The following C1orf21 variants were observed in gnomAD, a reference collection of about 807,000 sequenced individuals.
The protein encoded by C1orf21 is chromosome 1 open reading frame 21.
A neutral mutation model predicts 18.7 loss-of-function variants in C1orf21; 3 were observed. The ratio of observed to expected loss-of-function variants is 0.16; its 90% CI spans 0.07 to 0.42. The LOEUF is 0.42. Among genes scored for constraint, C1orf21 ranks in the 10% least tolerant of loss-of-function variants. C1orf21 has a pLI of 0.99. For synonymous variants in C1orf21, 41 were observed against 46.4 expected (o/e 0.88, Z 0.47); for missense variants, 104 against 143.6 (o/e 0.72, Z 1.41).
At chr1:184,410,513 G>T (rs1365645458) in intron 1 of C1orf21, among the ~76,000 whole-genome samples, 1 of 143,468 alleles carries the variant, frequency 7.0e-6, no homozygotes, top group African/African-American at 2.7e-5. Flanking sequence ...GCATATGATG[G>T]TATTAAATAA....
At chr1:184,391,484 C>T (rs1003592722) in intron 1 of C1orf21, among the ~76,000 whole-genome samples, 2 of 152,138 alleles carry the variant, frequency 1.3e-5, no homozygotes, top group Non-Finnish European at 2.9e-5. Flanking sequence ...TTGGAAGTCA[C>T]TCAATGAGTG....
intron 3 of C1orf21, among the ~76,000 whole-genome samples, chr1:184,584,260 C>T (rs532568708): frequency 3.3e-5 from 5 of 151,364 alleles, no homozygotes; most frequent in African/African-American, 7.3e-5. Flanking sequence ...TATGCAAATG[C>T]GCCAACAAGT....
At chr1:184,486,506 T>C (rs1449611751) in intron 2 of C1orf21, among the ~76,000 whole-genome samples, 1 of 152,148 alleles carries the variant, frequency 6.6e-6, no homozygotes, top group Non-Finnish European at 1.5e-5. Flanking sequence ...GCACTTGTTA[T>C]AAATAGTAGA....
rs951940942 is a variant in C1orf21, at chr1:184,594,234, T to C, written c.266+3419T>C. ...ACTTCCCTGAGGTCCAGTTGAAAAA[T>C]GATGATCATGAAGGAAAAACTGTGT... On this transcript the variant is annotated intron_variant, in intron 4 of 5. Transcript: ENST00000235307. Among the ~76,000 whole-genome samples the C allele has an allele frequency of 1.6e-4, 25 of 152,094 alleles. No individual in the cohort carries two copies. In the East Asian group the frequency reaches 4.8e-3, roughly 29 times the overall value.
At chr1:184,444,367 C>T (rs1011931637) in intron 1 of C1orf21, among the ~76,000 whole-genome samples, 6 of 152,028 alleles carry the variant, frequency 3.9e-5, no homozygotes, top group African/African-American at 1.4e-4. Flanking sequence ...CAGTTTCCAC[C>T]GTACTGTTCT....
In C1orf21 at chr1:184,625,011, T is replaced by A. The variant is rs1659983833; in HGVS notation, c.*5455T>A. 6.6e-6 allele frequency: 1 copy of A among 152,242 alleles called. No homozygotes were observed. The highest frequency in any genetic ancestry group is 1.5e-5 in the Non-Finnish European group (1 of 68,034). The allele number at this position is 152,242 out of a possible 1,614,324, so 9.4% of individuals were successfully genotyped here. A position where few individuals can be genotyped will look rare whatever the true frequency, so the allele number is the denominator to read the frequency against. On this transcript the variant is annotated 3_prime_UTR_variant, in exon 6 of 6. Transcript: ENST00000235307. Reference sequence around the variant, plus strand: ...TGGCCCCCAAGATCCTGCTTCTTTCTAACCTGGCAGCTGTCATGTCCCTTC... The same window carrying A: ...TGGCCCCCAAGATCCTGCTTCTTTCAAACCTGGCAGCTGTCATGTCCCTTC...
At chr1:184,425,196 G>T (rs1057135192) in intron 1 of C1orf21, among the ~76,000 whole-genome samples, 1 of 151,982 alleles carries the variant, frequency 6.6e-6, no homozygotes, top group African/African-American at 2.4e-5. Context: ...CTCAGTGTGG[G>T]TATTAGATTA....
In C1orf21 at chr1:184,426,806, C is replaced by T. The variant is rs539417089; in HGVS notation, c.-125+39438C>T. On this transcript the variant is annotated intron_variant, in intron 1 of 5. Transcript: ENST00000235307. Reference sequence around the variant, plus strand: ...ACCTTGTCTGTCTAACCAAGGCATACTGGGTGCGATAACACAATGCCTGAC... The same window carrying T: ...ACCTTGTCTGTCTAACCAAGGCATATTGGGTGCGATAACACAATGCCTGAC... Among the ~76,000 whole-genome samples the T allele has an allele frequency of 3.3e-5, 5 of 152,272 alleles. No homozygotes were observed. In the South Asian group the frequency reaches 1.0e-3, roughly 32 times the overall value.
intron 3 of C1orf21, among the ~76,000 whole-genome samples, chr1:184,583,164 T>G (rs1221072669): frequency 6.6e-6 from 1 of 152,120 alleles, no homozygotes; most frequent in Non-Finnish European, 1.5e-5. Context: ...AAGATCCTCT[T>G]GGTATTTTCA....
At chr1:184,571,778 A>G (rs184523238) in intron 3 of C1orf21, among the ~76,000 whole-genome samples, 54 of 152,246 alleles carry the variant, frequency 3.5e-4, no homozygotes, top group Admixed American at 3.1e-3. Context: ...TCTTTTCCTC[A>G]TCCTCTTTAA....
intron 4 of C1orf21, among the ~76,000 whole-genome samples, chr1:184,595,673 G>C (rs552930601): frequency 6.6e-6 from 1 of 152,164 alleles, no homozygotes; most frequent in Non-Finnish European, 1.5e-5. Flanking sequence ...TATCTGAGAC[G>C]ATGCACAGGT....
chr1:184,397,459 G>A (rs553918529), intron 1 of C1orf21, among the ~76,000 whole-genome samples: 4 of 152,208 alleles, frequency 2.6e-5, no homozygotes, highest in South Asian at 4.1e-4. Context: ...GGTGGCGGGC[G>A]CCTGTAGTCC....
chr1:184,566,524 A>G, intron 3 of C1orf21: 1 of 307,920 alleles, frequency 3.2e-6, no homozygotes. Context: ...GCAAGCATTA[A>G]GAGAAGAGTC....
chr1:184,588,975 C>A (rs1307974351), intron 3 of C1orf21, among the ~76,000 whole-genome samples: 1 of 152,102 alleles, frequency 6.6e-6, no homozygotes, highest in Non-Finnish European at 1.5e-5. Context: ...GGAGATCCTT[C>A]CTTACTTAGC....
At chr1:184,513,942 T>TA (rs1658187624) in intron 3 of C1orf21, among the ~76,000 whole-genome samples, 1 of 152,108 alleles carries the variant, frequency 6.6e-6, no homozygotes, top group Non-Finnish European at 1.5e-5. Flanking sequence ...GTGCAGAAGG[T>TA]GAATGTGCAG....
chr1:184,477,379 C>A lies in C1orf21; in HGVS notation c.-124-7C>A. ...GCCCATTCTAATCTAGCTTTCTTTT[C>A]TTGCAGGTGCACACATCTTGACCAA... On this transcript the variant is annotated splice_region_variant and splice_polypyrimidine_tract_variant and intron_variant, in intron 1 of 5. Transcript: ENST00000235307. 1 of 664,526 alleles carries A rather than the reference C, an allele frequency of 1.5e-6. No homozygotes were observed. Among genetic ancestry groups the A allele is most frequent in the Non-Finnish European group, 2.6e-6 (1 of 388,328 alleles). 41.2% of individuals were successfully genotyped at this position (664,526 alleles called of 1,614,324 possible). A position where few individuals can be genotyped will look rare whatever the true frequency, so the allele number is the denominator to read the frequency against.
chr1:184,478,995 C>A (rs1225630238), intron 2 of C1orf21, among the ~76,000 whole-genome samples: 2 of 152,098 alleles, frequency 1.3e-5, no homozygotes, highest in African/African-American at 4.8e-5. Flanking sequence ...TTGTTTTAGT[C>A]TCCTGGTGAA....
rs573044869 is a variant in C1orf21, at chr1:184,500,052, G to A, written c.95-7536G>A. Among the ~76,000 whole-genome samples the A allele has an allele frequency of 3.2e-3, 486 of 152,280 alleles. 1 individual carries two copies. Among genetic ancestry groups the A allele is most frequent in the Non-Finnish European group, 5.8e-3 (396 of 68,024 alleles). Reference sequence around the variant, plus strand: ...TAAATGTCTCTCAGAACAACCATGCGTGTCTTCCCTTTCTGGAAGTGGCTC... The same window carrying A: ...TAAATGTCTCTCAGAACAACCATGCATGTCTTCCCTTTCTGGAAGTGGCTC... On this transcript the variant is annotated intron_variant, in intron 2 of 5. Transcript: ENST00000235307.
rs141600522 is a variant in C1orf21 at position 184,449,871 on chromosome 1, C to T, written c.-124-27515C>T. Among the ~76,000 whole-genome samples, 265 of 152,260 alleles carry T rather than the reference C, an allele frequency of 1.7e-3. 2 individuals carry two copies. The highest frequency in any genetic ancestry group is 6.2e-3 in the African/African-American group (257 of 41,544). ...TTTCCTTCAGTGTTTGGTAACACCA[C>T]GCCAGGTTCAGGGAGAAGGCAGGAT... is the stretch of plus-strand genomic sequence containing the variant. On this transcript the variant is annotated intron_variant, in intron 1 of 5. Coordinates refer to ENST00000235307, the MANE Select transcript of C1orf21 (RefSeq NM_030806.4).
Sources: allele counts gnomAD v4.1 joint callset (sites outside exome capture counted in the v4.1 genomes callset), GRCh38; gene constraint gnomAD v4.1.1; transcripts MANE v1.5; gene names NCBI Gene and HGNC (gene_info 2026-07-23, HGNC 2026-07-21).